Variants in RTN3 observed in about 807,000 individuals in gnomAD.
RTN3 encodes the protein reticulon-3.
In RTN3, 49 loss-of-function variants were observed where a neutral mutation model predicts 77.8. The ratio of observed to expected loss-of-function variants is 0.63; its 90% CI spans 0.50 to 0.80. The LOEUF is 0.80. Ranked by LOEUF, RTN3 falls within the 30% of genes least tolerant of loss-of-function variation. The pLI is 0.00. For synonymous variants in RTN3, 464 were observed against 446.9 expected (o/e 1.04, Z -0.48); for missense variants, 1,236 against 1,211.9 (o/e 1.02, Z -0.29).
chr11:63,695,979 TCTC>T (rs1941918010), intron 1 of RTN3, among the ~76,000 whole-genome samples: 3 of 152,002 alleles, frequency 2.0e-5, no homozygotes, highest in African/African-American at 7.3e-5. Flanking sequence ...ACGATGAACA[TCTC>T]TTAGTGTCAA....
chr11:63,750,244 G>T, intron 4 of RTN3, 46 bp downstream of exon 4: 2 of 1,486,848 alleles, frequency 1.3e-6, no homozygotes, highest in Non-Finnish European at 1.9e-6. Flanking sequence ...TAGTGGAAGG[G>T]TTCACTGAAG....
chr11:63,742,269 G>A (rs995126117), intron 3 of RTN3, among the ~76,000 whole-genome samples: 1 of 150,902 alleles, frequency 6.6e-6, no homozygotes, highest in African/African-American at 2.4e-5. Context: ...ATGAGCCACC[G>A]CGCCTTGCCT....
chr11:63,723,956 ACT>A (rs1565325651), intron 3 of RTN3, among the ~76,000 whole-genome samples: 1 of 151,766 alleles, frequency 6.6e-6, no homozygotes, highest in Non-Finnish European at 1.5e-5. Flanking sequence ...GTTATGATAG[ACT>A]CTCATAGTTT....
intron 2 of RTN3, among the ~76,000 whole-genome samples, chr11:63,715,835 A>G (rs896574832): frequency 1.3e-5 from 2 of 152,212 alleles, no homozygotes; most frequent in African/African-American, 4.8e-5. Context: ...TTCAGTAACA[A>G]TGCATGGCTC....
At chr11:63,735,687 A>C (rs2013074818) in intron 3 of RTN3, among the ~76,000 whole-genome samples, 1 of 150,658 alleles carries the variant, frequency 6.6e-6, no homozygotes, top group Non-Finnish European at 1.5e-5. Flanking sequence ...ATGCCACCAC[A>C]CCGAGCTAAT....
At chr11:63,735,350 A>C (rs528107033) in intron 3 of RTN3, among the ~76,000 whole-genome samples, 88 of 152,302 alleles carry the variant, frequency 5.8e-4, no homozygotes, top group African/African-American at 2.1e-3. Context: ...AGCATAAAAT[A>C]CTTGGAATAA....
chr11:63,724,247 ATC>A (rs974525582), intron 3 of RTN3, among the ~76,000 whole-genome samples: 2 of 142,628 alleles, frequency 1.4e-5, no homozygotes, highest in Non-Finnish European at 3.0e-5. Context: ...CAGTGGCGCA[ATC>A]TCGGCTCACT....
intron 3 of RTN3, among the ~76,000 whole-genome samples, chr11:63,736,860 A>G (rs1024879462): frequency 3.3e-5 from 5 of 152,186 alleles, no homozygotes; most frequent in Non-Finnish European, 7.3e-5. Context: ...TGCAAAAACT[A>G]GAATGACTAT....
intron 3 of RTN3, among the ~76,000 whole-genome samples, chr11:63,724,291 TCCTG>T (rs770084032): frequency 7.0e-6 from 1 of 143,630 alleles, no homozygotes; most frequent in Non-Finnish European, 1.5e-5. Flanking sequence ...CACGCCATTC[TCCTG>T]CCTCAGCCTC....
intron 3 of RTN3, among the ~76,000 whole-genome samples, chr11:63,724,125 A>G (rs1024962029): frequency 6.6e-6 from 1 of 151,290 alleles, no homozygotes; most frequent in Non-Finnish European, 1.5e-5. Flanking sequence ...GCAGTTGGCA[A>G]TATGTAACAG....
intron 3 of RTN3, among the ~76,000 whole-genome samples, chr11:63,734,781 A>ACACACACACACACCCC (rs778043704): frequency 1.9e-5 from 2 of 105,000 alleles, no homozygotes; most frequent in African/African-American, 3.9e-5. Flanking sequence ...ACACACACAC[A>ACACACACACACACCCC]CCATACTGGA....
In RTN3 at chr11:63,708,800, A is replaced by G. The variant is rs1043607873; in HGVS notation, c.199+3893A>G. On this transcript the variant is annotated intron_variant, in intron 2 of 8. Transcript: ENST00000377819. ...TATGGTTTCCTTTTTCCATCAAGCA[A>G]CAATTATATTTCAGCCTAATCCCTG... Among the ~76,000 whole-genome samples the G allele has an allele frequency of 5.3e-5, 8 of 152,346 alleles. No individual in the cohort carries two copies. The East Asian group carries it at 1.5e-3, about 29-fold the overall frequency.
chr11:63,688,267 A>T (rs1032174703), intron 1 of RTN3, among the ~76,000 whole-genome samples: 1 of 131,494 alleles, frequency 7.6e-6, no homozygotes, highest in African/African-American at 2.9e-5. Flanking sequence ...TCTGTCGCCC[A>T]GGCGGGAGTG....
chr11:63,749,504 AGGCCT>A lies in RTN3; in HGVS notation c.2531-484_2531-480del, dbSNP rs541735678. The stretch of plus-strand genomic sequence containing the variant: ...TAGTCTGTTCACCTAACTAATTTAT[AGGCCT>A]GGTTTGCATAATTTAGTTAACAGCA... On this transcript the variant is annotated intron_variant, in intron 3 of 8. Coordinates refer to ENST00000377819, the MANE Select transcript of RTN3 (RefSeq NM_001265589.2). 2.0e-4 allele frequency among the ~76,000 whole-genome samples: 30 copies of A among 152,314 alleles called. No individual in the cohort carries two copies. In the East Asian group the frequency reaches 3.7e-3, roughly 19 times the overall value.
rs796830556 is a variant in RTN3 at position 63,711,720 on chromosome 11, A to G, written c.199+6813A>G. ...GCTGGAATTACAGGCATGCACCACTACTCCCAGCTAGTTTTGTATTTTTAG... is the reference window on the plus strand; with the variant it reads ...GCTGGAATTACAGGCATGCACCACTGCTCCCAGCTAGTTTTGTATTTTTAG... On this transcript the variant is annotated intron_variant, in intron 2 of 8. Coordinates refer to ENST00000377819, the MANE Select transcript of RTN3 (RefSeq NM_001265589.2). Among the ~76,000 whole-genome samples, 6 of 151,378 alleles carry G rather than the reference A, an allele frequency of 4.0e-5. No homozygotes were observed. In the South Asian group the frequency reaches 1.3e-3, roughly 32 times the overall value.
intron 3 of RTN3, among the ~76,000 whole-genome samples, chr11:63,741,891 C>G (rs1345052539): frequency 6.6e-6 from 1 of 151,972 alleles, no homozygotes; most frequent in Admixed American, 6.6e-5. Flanking sequence ...TCGACCAGTA[C>G]TATAGCATCT....
At chr11:63,737,009 T>C (rs1384103741) in intron 3 of RTN3, among the ~76,000 whole-genome samples, 1 of 150,212 alleles carries the variant, frequency 6.7e-6, no homozygotes, top group Non-Finnish European at 1.5e-5. Context: ...AGGGTCTTGC[T>C]CTGTTCCTAA....
Position 63,681,625 on chromosome 11 carries a change from G to C in RTN3, c.-12G>C, listed in dbSNP as rs762763738. The C allele has an allele frequency of 3.0e-5, 48 of 1,577,072 alleles. 1 individual carries two copies. The Admixed American group carries it at 8.4e-4, about 28-fold the overall frequency. On this transcript the variant is annotated 5_prime_UTR_variant, in exon 1 of 9. Coordinates refer to ENST00000377819, the MANE Select transcript of RTN3 (RefSeq NM_001265589.2). ...CTCTTTTCACCCTTCTCCCACCCTC[G>C]CTCGCGTAGCCATGGCGGAGCCGTC...
chr11:63,757,711 TTTC>T (rs2014452249), intron 8 of RTN3, among the ~76,000 whole-genome samples: 1 of 133,308 alleles, frequency 7.5e-6, no homozygotes, highest in Non-Finnish European at 1.6e-5. Flanking sequence ...TGTTAACATT[TTTC>T]TTTTTTTCTT....
Sources: allele counts gnomAD v4.1 joint callset (sites outside exome capture counted in the v4.1 genomes callset), GRCh38; gene constraint gnomAD v4.1.1; transcripts MANE v1.5; gene names NCBI Gene and HGNC (gene_info 2026-07-23, HGNC 2026-07-21).